Variants in BDP1 observed in about 807,000 individuals in gnomAD.
BDP1 encodes the protein BDP1 general transcription factor IIIB subunit.
Under a neutral mutation model 266.6 loss-of-function variants are expected in BDP1, and 169 were observed. The observed-to-expected ratio is 0.63, with a 90% CI of 0.56 to 0.72. The LOEUF (loss-of-function observed/expected upper bound fraction) is 0.72, where lower values mean the gene tolerates loss of function less well. BDP1 is among the 30% of genes least tolerant of loss of function. BDP1 has a pLI of 0.00. For missense variants in BDP1, 3,015 were observed against 3,053.8 expected (o/e 0.99, Z 0.30); for synonymous variants, 1,090 against 1,022.4 (o/e 1.07, Z -1.26).
At chr5:71,558,684 G>A (rs1006910128) in intron 36 of BDP1, among the ~76,000 whole-genome samples, 60 of 152,122 alleles carry the variant, frequency 3.9e-4, no homozygotes, top group African/African-American at 1.4e-3. Context: ...AAATAAGCTG[G>A]GCGTGGTGGC....
At chr5:71,551,773 G>A (rs1471339012) in intron 34 of BDP1, among the ~76,000 whole-genome samples, 3 of 149,574 alleles carry the variant, frequency 2.0e-5, no homozygotes, top group African/African-American at 7.4e-5. Flanking sequence ...GCCGGGAGGG[G>A]GGCTGACCCC....
intron 30 of BDP1, 135 bp downstream of exon 30, chr5:71,542,400 C>T (rs957899412): frequency 2.4e-6 from 2 of 830,668 alleles, no homozygotes; most frequent in African/African-American, 3.5e-5. Flanking sequence ...GTAAGACGAG[C>T]TATAAAATAA....
intron 16 of BDP1, among the ~76,000 whole-genome samples, chr5:71,507,882 A>G (rs1369411578): frequency 1.3e-5 from 2 of 152,244 alleles, no homozygotes; most frequent in East Asian, 1.9e-4. Context: ...CAAAAATTGC[A>G]TTATTGAAAA....
intron 34 of BDP1, among the ~76,000 whole-genome samples, chr5:71,550,855 G>T (rs1213791762): frequency 6.6e-6 from 1 of 151,950 alleles, no homozygotes; most frequent in Non-Finnish European, 1.5e-5. Flanking sequence ...ATAGGTGCGT[G>T]CCACCACACT....
rs1192884172 is a variant in BDP1, at chr5:71,489,628, CTT to C, written c.1441_1442del (p.Leu481ArgfsTer11). Reference sequence around the variant, plus strand: ...AGCTAATGAACTGGGAGTAAACAATCTTTTAGAAAATGCCACTGTTCAGGCGG... The same window carrying C: ...AGCTAATGAACTGGGAGTAAACAATCTTAGAAAATGCCACTGTTCAGGCGG... ...DGANELGVNN[L>X]LENATVQAGP... On this transcript the variant is annotated frameshift_variant, in exon 10 of 39. Transcript: ENST00000358731. LOFTEE classifies it high-confidence loss of function. The C allele has an allele frequency of 6.2e-6, 10 of 1,614,020 alleles. No homozygotes were observed. Among genetic ancestry groups the C allele is most frequent in the Non-Finnish European group, 7.6e-6 (9 of 1,179,964 alleles).
At chr5:71,495,816 G>A (rs984209060) in intron 12 of BDP1, among the ~76,000 whole-genome samples, 1 of 152,038 alleles carries the variant, frequency 6.6e-6, no homozygotes, top group Non-Finnish European at 1.5e-5. Context: ...TGCAGATACT[G>A]GTTAAATTAG....
intron 22 of BDP1, among the ~76,000 whole-genome samples, chr5:71,520,519 T>A (rs902537377): frequency 2.0e-5 from 3 of 152,224 alleles, no homozygotes; most frequent in African/African-American, 7.2e-5. Flanking sequence ...ACATTACAGA[T>A]GAATTTGTTT....
At chr5:71,576,240 G>A in the BDP1 span, among the ~76,000 whole-genome samples, 1 of 152,166 alleles carries the variant, frequency 6.6e-6, no homozygotes, top group East Asian at 1.9e-4. Flanking sequence ...CCCATACTTT[G>A]GAGTGACACT....
intron 25 of BDP1, among the ~76,000 whole-genome samples, chr5:71,525,781 G>T (rs867901550): frequency 6.6e-6 from 1 of 151,762 alleles, no homozygotes; most frequent in South Asian, 2.1e-4. Context: ...GGGCAGAGAC[G>T]CTCCTCACTT....
intron 37 of BDP1, among the ~76,000 whole-genome samples, chr5:71,561,426 ACAT>A (rs1178741587): frequency 1.3e-5 from 2 of 152,192 alleles, no homozygotes. Context: ...TAAAATAATA[ACAT>A]CATGAGAGTT....
rs945066529 is a variant in BDP1, at chr5:71,455,921, C to T, written c.44C>T (p.Pro15Leu). 6.2e-7 allele frequency: 1 copy of T among 1,609,634 alleles called. No individual in the cohort carries two copies. ...ARLSVKPNVR[P>L]GVGARGSTAS... ...CTTAGCGTGAAGCCGAATGTCAGGC[C>T]TGGTGTAGGCGCCAGGGGCTCCACA... Residue 15 changes from proline (P) to leucine (L), a missense_variant, in exon 1 of 39, where the codon CCT becomes CTT. This residue lies in a region of BDP1 where 2,383 missense variants were observed against 2,404.9 expected (regional missense o/e 0.99). Coordinates refer to ENST00000358731, the MANE Select transcript of BDP1 (RefSeq NM_018429.3).
In BDP1 at chr5:71,509,647, G is replaced by A. The variant is rs1319920698; in HGVS notation, c.2555G>A (p.Arg852Lys). Residue 852 changes from arginine (R) to lysine (K), a missense_variant, in exon 17 of 39, where the codon AGA becomes AAA. By Grantham distance (26) the Arg-to-Lys change is conservative. Transcript: ENST00000358731. ...EMAAALRETV[R>K]LDTSPKEMVP... ...GCGGCAGCATTGAGAGAAACTGTAA[G>A]ACTAGACACCTCACCAAAGGAGATG... The A allele has an allele frequency of 1.2e-6, 2 of 1,613,112 alleles. No individual in the cohort carries two copies. The highest frequency in any genetic ancestry group is 1.7e-5 in the Admixed American group (1 of 59,804).
chr5:71,571,609 C>T (rs926268508), downstream of BDP1, among the ~76,000 whole-genome samples: 1 of 145,946 alleles, frequency 6.9e-6, no homozygotes, highest in African/African-American at 2.5e-5. Flanking sequence ...ATTGCTGGGC[C>T]CCAATCCTGA....
chr5:71,562,711 A>T (rs1259414555), intron 38 of BDP1, 191 bp downstream of exon 38: 2 of 1,479,880 alleles, frequency 1.4e-6, no homozygotes, highest in African/African-American at 2.8e-5. Flanking sequence ...AGTTACAGTT[A>T]GATTAGTACA....
intron 24 of BDP1, 86 bp from the exon 25 acceptor site, chr5:71,523,853 C>A: frequency 2.3e-6 from 3 of 1,315,896 alleles, no homozygotes; most frequent in Non-Finnish European, 3.1e-6. Flanking sequence ...ATGACTGGAA[C>A]TGGAATTTCA....
intron 16 of BDP1, among the ~76,000 whole-genome samples, chr5:71,505,433 A>G (rs1188735547): frequency 6.6e-6 from 1 of 152,226 alleles, no homozygotes; most frequent in Non-Finnish European, 1.5e-5. Flanking sequence ...TAAGATTTAT[A>G]AATTTTATTT....
chr5:71,578,256 G>A, the BDP1 span, among the ~76,000 whole-genome samples: 3 of 152,164 alleles, frequency 2.0e-5, no homozygotes, highest in African/African-American at 7.2e-5. Flanking sequence ...TCCACTAGAG[G>A]CAAGGTGTCC....
chr5:71,514,887 T>C, intron 19 of BDP1, 57 bp from the exon 20 acceptor site: 2 of 1,257,696 alleles, frequency 1.6e-6, no homozygotes, highest in Non-Finnish European at 2.2e-6. Flanking sequence ...ACTTGTAAAG[T>C]TCTTATTTCC....
At chr5:71,509,355 T>G (rs1284318495) in intron 16 of BDP1, 110 bp from the exon 17 acceptor site, 1 of 1,285,190 alleles carries the variant, frequency 7.8e-7, no homozygotes, top group Non-Finnish European at 1.0e-6. Context: ...TTCCTTAATT[T>G]TTTTGAATTT....
Sources: gnomAD v4.1 joint callset for allele counts (sites outside exome capture counted in the v4.1 genomes callset) on GRCh38, gnomAD v4.1.1 for gene constraint, gnomAD v4.1.1 regional missense constraint, MANE v1.5 for transcripts, NCBI Gene and HGNC (gene_info 2026-07-23, HGNC 2026-07-21) for gene names.